DOCK3: variants seen among roughly 807,000 people sequenced by gnomAD.
DOCK3 encodes dedicator of cytokinesis 3.
DOCK3 carries 60 observed loss-of-function variants against 265.6 expected under a neutral mutation model. The ratio of observed to expected loss-of-function variants is 0.23; its 90% CI spans 0.18 to 0.28. The LOEUF (loss-of-function observed/expected upper bound fraction) is 0.28. DOCK3 is among the 10% of genes least tolerant of loss of function. The pLI is 1.00. For missense variants in DOCK3, 1,981 were observed against 2,594.3 expected (o/e 0.76, Z 5.14); for synonymous variants, 881 against 938.0 (o/e 0.94, Z 1.11).
chr3:50,696,586 GA>G (rs536861229), intron 1 of DOCK3, among the ~76,000 whole-genome samples: 120 of 152,284 alleles, frequency 7.9e-4, no homozygotes, highest in African/African-American at 2.8e-3. Flanking sequence ...GGTCACAGGG[GA>G]CAGTAAGGCA....
In DOCK3 at chr3:51,236,371, C is replaced by T. The variant is rs1053516770; in HGVS notation, c.1944C>T (p.Leu648=). 1 of 1,613,566 alleles carries T rather than the reference C, an allele frequency of 6.2e-7. No homozygotes were observed. Among genetic ancestry groups the T allele is most frequent in the South Asian group, 1.1e-5 (1 of 91,006 alleles). ...TTCTGCAGGACATCTTAGATACACTCTTTGTGATTTTGGATGATAATACAG... is the reference window on the plus strand; with the variant it reads ...TTCTGCAGGACATCTTAGATACACTTTTTGTGATTTTGGATGATAATACAG... The part of the protein sequence containing the change: ...VKFLQDILDT[L]FVILDDNTEK... Residue 648 remains leucine (L), a synonymous_variant, in exon 20 of 53, where the codon CTC becomes CTT. Coordinates refer to ENST00000266037, the MANE Select transcript of DOCK3 (RefSeq NM_004947.5).
chr3:51,346,246 T>C (rs1260442197), intron 38 of DOCK3, among the ~76,000 whole-genome samples: 8 of 152,006 alleles, frequency 5.3e-5, no homozygotes, highest in Non-Finnish European at 1.0e-4. Context: ...CCTGTTAACT[T>C]GTCATTTACA....
chr3:51,134,508 C>T (rs2084706162), intron 9 of DOCK3, among the ~76,000 whole-genome samples: 1 of 152,144 alleles, frequency 6.6e-6, no homozygotes, highest in African/African-American at 2.4e-5. Context: ...CAAATCATTA[C>T]CTATGTCTCT....
chr3:51,369,372 A>G (rs148874483), intron 49 of DOCK3, among the ~76,000 whole-genome samples: 1,588 of 152,336 alleles, frequency 0.01, 18 homozygotes, highest in Non-Finnish European at 0.016. Flanking sequence ...GCTGAAAACC[A>G]TGGCATGAGA....
intron 12 of DOCK3, among the ~76,000 whole-genome samples, chr3:51,184,870 A>C (rs2087505686): frequency 6.6e-6 from 1 of 152,202 alleles, no homozygotes; most frequent in Non-Finnish European, 1.5e-5. Flanking sequence ...AGCAGGCAAA[A>C]GTCATGCTGA....
At chr3:51,149,178 C>T (rs912985272) in intron 10 of DOCK3, among the ~76,000 whole-genome samples, 18 of 152,120 alleles carry the variant, frequency 1.2e-4, no homozygotes, top group African/African-American at 3.9e-4. Flanking sequence ...GTGATTTTTG[C>T]ACATTGATTT....
intron 3 of DOCK3, among the ~76,000 whole-genome samples, chr3:50,843,670 T>C (rs1408338567): frequency 6.6e-6 from 1 of 152,204 alleles, no homozygotes; most frequent in Non-Finnish European, 1.5e-5. Flanking sequence ...ACTCCTTTAA[T>C]TTCATTATTT....
intron 33 of DOCK3, among the ~76,000 whole-genome samples, chr3:51,331,499 GAT>G (rs974040385): frequency 1.3e-5 from 2 of 151,226 alleles, no homozygotes; most frequent in African/African-American, 4.9e-5. Flanking sequence ...GAGAACCACT[GAT>G]AACATGGAGC....
chr3:51,264,829 A>AAAATAAATAAATTAAAT (rs2080069578), intron 23 of DOCK3, among the ~76,000 whole-genome samples: 2 of 142,160 alleles, frequency 1.4e-5, no homozygotes. Context: ...TCAGTCTCAA[A>AAAATAAATAAATTAAAT]AAATAAATAA....
At chr3:51,303,388 G>A (rs1299896603) in intron 27 of DOCK3, among the ~76,000 whole-genome samples, 1 of 152,116 alleles carries the variant, frequency 6.6e-6, no homozygotes, top group Non-Finnish European at 1.5e-5. Context: ...TTGTTATTAC[G>A]CACCTTCTGA....
intron 4 of DOCK3, among the ~76,000 whole-genome samples, chr3:50,924,982 C>G (rs1282422379): frequency 6.6e-6 from 1 of 152,162 alleles, no homozygotes; most frequent in African/African-American, 2.4e-5. Context: ...GAAGGAGGGA[C>G]TTTTTCTGAT....
chr3:50,892,144 A>T (rs573812988), intron 4 of DOCK3, among the ~76,000 whole-genome samples: 6 of 152,208 alleles, frequency 3.9e-5, no homozygotes, highest in East Asian at 3.9e-4. Flanking sequence ...GTTGGGCAAG[A>T]TCTTGAGAGG....
chr3:51,008,783 A>G (rs1014523765), intron 5 of DOCK3, among the ~76,000 whole-genome samples: 6 of 152,136 alleles, frequency 3.9e-5, no homozygotes, highest in African/African-American at 1.4e-4. Flanking sequence ...TTATTTTGAG[A>G]TACCTTCCAT....
intron 7 of DOCK3, among the ~76,000 whole-genome samples, chr3:51,081,680 G>A (rs368839394): frequency 6.6e-6 from 1 of 152,028 alleles, no homozygotes; most frequent in Non-Finnish European, 1.5e-5. Context: ...CAGATCACGA[G>A]GTCAGGAGAT....
chr3:51,297,337 G>A (rs572372737), intron 27 of DOCK3, among the ~76,000 whole-genome samples: 11 of 152,208 alleles, frequency 7.2e-5, no homozygotes, highest in Admixed American at 2.0e-4. Flanking sequence ...AAATAGGTAA[G>A]TTAGACTTCA....
intron 12 of DOCK3, among the ~76,000 whole-genome samples, chr3:51,207,744 G>A (rs1340295264): frequency 6.6e-6 from 1 of 152,040 alleles, no homozygotes; most frequent in African/African-American, 2.4e-5. Context: ...CCTGGAAGTG[G>A]CCATGCTGAA....
intron 17 of DOCK3, among the ~76,000 whole-genome samples, chr3:51,228,360 G>T (rs1334303376): frequency 1.3e-5 from 2 of 152,228 alleles, no homozygotes; most frequent in African/African-American, 4.8e-5. Context: ...TTGTGGTCTT[G>T]TTTAGTACAT....
chr3:50,755,192 A>G (rs952334356), intron 1 of DOCK3, among the ~76,000 whole-genome samples: 5 of 152,340 alleles, frequency 3.3e-5, no homozygotes, highest in Non-Finnish European at 5.9e-5. Context: ...AGAGGTTCAC[A>G]TAAGTGAAGA....
At position 50,989,323 on chromosome 3, in the gene DOCK3, T is replaced by C. The variant is rs368390721; in HGVS notation, c.315+55246T>C. Among the ~76,000 whole-genome samples, 4 of 152,090 alleles carry C rather than the reference T, an allele frequency of 2.6e-5. No homozygotes were observed. In the East Asian group the frequency reaches 7.7e-4, roughly 29 times the overall value. ...TGGAGGAGGAACATAAACACTGAGA[T>C]TGCCCCAGAGCTACAGCGGGCAGGC... On this transcript the variant is annotated intron_variant, in intron 5 of 52. Transcript: ENST00000266037.
Sources: gnomAD v4.1 joint callset for allele counts (sites outside exome capture counted in the v4.1 genomes callset) on GRCh38, gnomAD v4.1.1 for gene constraint, MANE v1.5 for transcripts, NCBI Gene and HGNC (gene_info 2026-07-23, HGNC 2026-07-21) for gene names.